Variants in RPRD1A observed in about 807,000 individuals in gnomAD.
RPRD1A encodes the protein regulation of nuclear pre-mRNA domain containing 1A, also known as regulation of nuclear pre-mRNA domain-containing protein 1A.
In RPRD1A, 9 loss-of-function variants were observed where a neutral mutation model predicts 37.8. That is an observed-to-expected ratio of 0.24 (90% confidence interval 0.14 to 0.42). The LOEUF (loss-of-function observed/expected upper bound fraction) is 0.42, where lower values mean the gene tolerates loss of function less well. Ranked by LOEUF, RPRD1A falls within the 10% of genes least tolerant of loss-of-function variation. The probability of loss-of-function intolerance (pLI) is 1.00; values close to 1 mark genes in which losing one functional copy is unlikely to be tolerated. For missense variants in RPRD1A, 255 were observed against 371.0 expected, an observed-to-expected ratio of 0.69 and a Z score of 2.57; for synonymous variants, 138 against 139.7, an observed-to-expected ratio of 0.99 and a Z score of 0.08.
intron 6 of RPRD1A, among the ~76,000 whole-genome samples, chr18:36,015,306 G>A (rs1012815442): frequency 2.7e-5 from 4 of 150,694 alleles, no homozygotes; most frequent in Non-Finnish European, 5.9e-5. Flanking sequence ...TCAGCCTCCC[G>A]GGTTCAAGTG....
At chr18:36,059,159 C>CT (rs1047926445) in intron 1 of RPRD1A, among the ~76,000 whole-genome samples, 56 of 147,028 alleles carry the variant, frequency 3.8e-4, no homozygotes, top group South Asian at 1.7e-3. Flanking sequence ...TTTTAAAAAT[C>CT]TTTTTTTTTT....
intron 1 of RPRD1A, among the ~76,000 whole-genome samples, chr18:36,056,451 C>T (rs2144401440): frequency 6.6e-6 from 1 of 152,162 alleles, no homozygotes; most frequent in African/African-American, 2.4e-5. Context: ...CCACACCCAG[C>T]TAAATTTTGT....
At chr18:36,022,928 C>G (rs1382823312) in intron 6 of RPRD1A, among the ~76,000 whole-genome samples, 1 of 152,136 alleles carries the variant, frequency 6.6e-6, no homozygotes, top group Non-Finnish European at 1.5e-5. Flanking sequence ...CATGACTACT[C>G]CAGCCTGGGT....
chr18:36,036,017 ATG>A (rs2144315502), intron 1 of RPRD1A, among the ~76,000 whole-genome samples: 1 of 152,294 alleles, frequency 6.6e-6, no homozygotes, highest in Admixed American at 6.5e-5. Context: ...CTACACAACA[ATG>A]TACTTAACAC....
At chr18:36,018,565 T>G (rs1304987045) in intron 6 of RPRD1A, among the ~76,000 whole-genome samples, 1 of 152,038 alleles carries the variant, frequency 6.6e-6, no homozygotes, top group African/African-American at 2.4e-5. Context: ...GAGCCACCGC[T>G]CCCAGCCCCA....
intron 1 of RPRD1A, among the ~76,000 whole-genome samples, chr18:36,051,614 T>C (rs1037675922): frequency 2.6e-5 from 4 of 152,208 alleles, no homozygotes; most frequent in African/African-American, 9.6e-5. Context: ...ATAGTTATTG[T>C]GTCTATTGTA....
chr18:36,041,228 C>A (rs531581648), intron 1 of RPRD1A, among the ~76,000 whole-genome samples: 1 of 152,142 alleles, frequency 6.6e-6, no homozygotes, highest in South Asian at 2.1e-4. Context: ...ATAATCCCCA[C>A]GTATCTCTCC....
intron 6 of RPRD1A, among the ~76,000 whole-genome samples, chr18:36,014,616 G>A (rs921536906): frequency 6.6e-6 from 1 of 152,114 alleles, no homozygotes; most frequent in Non-Finnish European, 1.5e-5. Context: ...GGTGGCGGGC[G>A]CCTATAGTCC....
At chr18:36,056,879 C>CT (rs1913810513) in intron 1 of RPRD1A, among the ~76,000 whole-genome samples, 2 of 151,756 alleles carry the variant, frequency 1.3e-5, no homozygotes, top group Admixed American at 6.6e-5. Flanking sequence ...TTCTATTTTT[C>CT]TTTTTTCTGT....
chr18:36,039,603 G>A (rs1003311980), intron 1 of RPRD1A, among the ~76,000 whole-genome samples: 7 of 152,174 alleles, frequency 4.6e-5, no homozygotes, highest in Non-Finnish European at 8.8e-5. Flanking sequence ...GAAAGTGGTA[G>A]GAGAAATGTT....
chr18:36,027,457 C>A, intron 4 of RPRD1A, 147 bp from the exon 5 acceptor site: 1 of 778,862 alleles, frequency 1.3e-6, no homozygotes. Context: ...CAATTTCTTT[C>A]ATATGTTAAG....
At position 36,027,001 on chromosome 18, in the gene RPRD1A, A is replaced by G; in HGVS notation, c.688T>C (p.Leu230=). 6.2e-7 allele frequency: 1 copy of G among 1,614,028 alleles called. No individual in the cohort carries two copies. Among genetic ancestry groups the G allele is most frequent in the Non-Finnish European group, 8.5e-7 (1 of 1,179,896 alleles). The change falls in exon 6 of 7, where the codon TTG becomes CTG. Residue 230 remains leucine, a synonymous_variant. Transcript: ENST00000399022. ...TTTCTATCATCTATTTCTGCCGCCA[A>G]TCTGCCATTGTAATCTGCCAGCAAC... ...CMLLADYNGR[L]AAEIDDRKQL... is the part of the protein sequence containing the mutation.
chr18:36,002,412 C>T (rs1445162935), intron 6 of RPRD1A, among the ~76,000 whole-genome samples: 1 of 152,106 alleles, frequency 6.6e-6, no homozygotes, highest in African/African-American at 2.4e-5. Flanking sequence ...GCCCATCAAA[C>T]ACATTCTTAT....
Position 36,043,550 on chromosome 18 carries a change from G to A in RPRD1A, c.152-9713C>T, listed in dbSNP as rs146445555. ...AACAAATGAATTATAAAAGTCCTGAGAAGAATAAACTTCATCCTGGACCAT... is the reference window on the plus strand; with the variant it reads ...AACAAATGAATTATAAAAGTCCTGAAAAGAATAAACTTCATCCTGGACCAT... On this transcript the variant is annotated intron_variant, in intron 1 of 6. Transcript: ENST00000399022. Among the ~76,000 whole-genome samples the A allele has an allele frequency of 6.3e-3, 953 of 152,212 alleles. 20 individuals are homozygous for A. The highest frequency in any genetic ancestry group is 0.022 in the African/African-American group (906 of 41,528).
intron 6 of RPRD1A, among the ~76,000 whole-genome samples, chr18:36,019,726 C>G (rs530737672): frequency 6.6e-6 from 1 of 152,176 alleles, no homozygotes; most frequent in Non-Finnish European, 1.5e-5. Flanking sequence ...GAAAGTGGAC[C>G]ACAGCATACC....
At chr18:36,004,429 AT>A (rs1250879036) in intron 6 of RPRD1A, among the ~76,000 whole-genome samples, 4 of 151,506 alleles carry the variant, frequency 2.6e-5, no homozygotes, top group Admixed American at 2.0e-4. Flanking sequence ...TAATTTTTGT[AT>A]TTCTTGTAGA....
At chr18:36,010,004 G>A (rs977323948) in intron 6 of RPRD1A, among the ~76,000 whole-genome samples, 33 of 152,098 alleles carry the variant, frequency 2.2e-4, no homozygotes, top group Admixed American at 4.6e-4. Flanking sequence ...CAACAGACAT[G>A]TAATGTAGTA....
At chr18:36,001,728 T>C (rs992264546) in intron 6 of RPRD1A, among the ~76,000 whole-genome samples, 1 of 152,180 alleles carries the variant, frequency 6.6e-6, no homozygotes, top group South Asian at 2.1e-4. Flanking sequence ...GAAATACATT[T>C]TTGCTGAACA....
intron 6 of RPRD1A, among the ~76,000 whole-genome samples, chr18:36,012,207 T>C (rs1053626066): frequency 1.3e-5 from 2 of 152,210 alleles, no homozygotes; most frequent in Non-Finnish European, 2.9e-5. Context: ...TTGCCTAGTG[T>C]AGCCATCCTA....
Sources: gnomAD v4.1 joint callset for allele counts (sites outside exome capture counted in the v4.1 genomes callset) on GRCh38, gnomAD v4.1.1 for gene constraint, MANE v1.5 for transcripts, NCBI Gene and HGNC (gene_info 2026-07-23, HGNC 2026-07-21) for gene names.